The following PDE3B variants were observed in gnomAD, a reference collection of about 807,000 sequenced individuals.
PDE3B encodes the protein phosphodiesterase 3B.
Under a neutral mutation model 116.8 loss-of-function variants are expected in PDE3B, and 66 were observed. That is an observed-to-expected ratio of 0.56 (90% confidence interval 0.46 to 0.69). PDE3B has a LOEUF of 0.69. Among genes scored for constraint, PDE3B ranks in the 30% least tolerant of loss-of-function variants. The pLI is 0.00. For missense variants in PDE3B, 1,384 were observed against 1,368.1 expected, an observed-to-expected ratio of 1.01 and a Z score of -0.18; for synonymous variants, 595 against 533.6, an observed-to-expected ratio of 1.12 and a Z score of -1.59.
At chr11:14,655,507 G>A (rs943206996) in intron 1 of PDE3B, among the ~76,000 whole-genome samples, 6 of 151,868 alleles carry the variant, frequency 4.0e-5, no homozygotes, top group African/African-American at 1.2e-4. Flanking sequence ...GAGCATCTCA[G>A]TGTGCTAGGT....
intron 1 of PDE3B, among the ~76,000 whole-genome samples, chr11:14,756,802 ATT>A (rs372781887): frequency 1.7e-5 from 2 of 118,020 alleles, no homozygotes; most frequent in Admixed American, 1.0e-4. Context: ...TTAAGTGCTT[ATT>A]TTTTTTTTTT....
At position 14,644,032 on chromosome 11, in the gene PDE3B, C is replaced by T. The variant is rs1853275121; in HGVS notation, c.-44C>T. On this transcript the variant is annotated 5_prime_UTR_variant, in exon 1 of 16. In the 5' UTR this introduces an upstream ATG that the reference lacks. Coordinates refer to ENST00000282096, the MANE Select transcript of PDE3B (RefSeq NM_000922.4). ...GGGAGCGCGAGCGGCCGCTACGGTACGAGCGGGGTGTGCTGAGTCCCGTGG... is the reference window on the plus strand; with the variant it reads ...GGGAGCGCGAGCGGCCGCTACGGTATGAGCGGGGTGTGCTGAGTCCCGTGG... 2 of 1,412,392 alleles carry T rather than the reference C, an allele frequency of 1.4e-6. No individual in the cohort carries two copies. Among genetic ancestry groups the T allele is most frequent in the Admixed American group, 3.3e-5 (1 of 30,256 alleles). The allele number at this position is 1,412,392 out of a possible 1,614,324, so 87.5% of individuals were successfully genotyped here. A position where few individuals can be genotyped will look rare whatever the true frequency, so the allele number is the denominator to read the frequency against.
At chr11:14,842,611 T>TA (rs1016200375) in intron 11 of PDE3B, among the ~76,000 whole-genome samples, 1 of 152,190 alleles carries the variant, frequency 6.6e-6, no homozygotes, top group African/African-American at 2.4e-5. Context: ...TAGTGGTACA[T>TA]AACTCTAGTC....
At position 14,830,678 on chromosome 11, in the gene PDE3B, CTA is replaced by C; in HGVS notation, c.1808-12_1808-11del. The C allele has an allele frequency of 1.6e-6, 2 of 1,224,172 alleles. No homozygotes were observed. Among genetic ancestry groups the C allele is most frequent in the Non-Finnish European group, 2.2e-6 (2 of 891,750 alleles). The allele number at this position is 1,224,172 out of a possible 1,614,324, so 75.8% of individuals were successfully genotyped here. On this transcript the variant is annotated intron_variant, in intron 7 of 15. Transcript: ENST00000282096. ...GGGCACATTTTACTCCTATATATTA[CTA>C]TATATATTTTTTGAAAGGTGAAGAA...
intron 1 of PDE3B, among the ~76,000 whole-genome samples, chr11:14,747,599 A>T (rs780064685): frequency 2.6e-5 from 4 of 152,168 alleles, no homozygotes. Context: ...TTAAGCCTTT[A>T]TGTGCTGTAT....
At chr11:14,725,126 G>T (rs1856244857) in intron 1 of PDE3B, among the ~76,000 whole-genome samples, 1 of 152,096 alleles carries the variant, frequency 6.6e-6, no homozygotes, top group Non-Finnish European at 1.5e-5. Context: ...CTTCTTTTTA[G>T]CCATGCTACT....
chr11:14,894,999 T>C, the PDE3B span, among the ~76,000 whole-genome samples: 8 of 152,154 alleles, frequency 5.3e-5, no homozygotes, highest in Non-Finnish European at 1.2e-4. Flanking sequence ...TGCAGAACAG[T>C]AATGGTTCTA....
intron 1 of PDE3B, among the ~76,000 whole-genome samples, chr11:14,667,958 C>A (rs1854230791): frequency 6.6e-6 from 1 of 151,382 alleles, no homozygotes. Flanking sequence ...ACTGACTTTG[C>A]TGAAGTATTT....
intron 7 of PDE3B, among the ~76,000 whole-genome samples, chr11:14,825,170 C>T (rs1859648562): frequency 6.6e-6 from 1 of 152,068 alleles, no homozygotes; most frequent in African/African-American, 2.4e-5. Context: ...GAACCATTAC[C>T]AGGCAATACA....
intron 1 of PDE3B, among the ~76,000 whole-genome samples, chr11:14,750,246 A>C (rs904163945): frequency 7.9e-5 from 12 of 152,098 alleles, no homozygotes; most frequent in Non-Finnish European, 1.6e-4. Context: ...GAATAGAATA[A>C]TGTTTGGCCA....
intron 4 of PDE3B, among the ~76,000 whole-genome samples, chr11:14,802,941 T>G (rs1323702526): frequency 3.3e-5 from 5 of 152,226 alleles, no homozygotes. Context: ...TTTGTTTTCT[T>G]TTTCCAATTT....
chr11:14,673,821 A>T, intron 1 of PDE3B: 1 of 991,322 alleles, frequency 1.0e-6, no homozygotes, highest in Non-Finnish European at 1.6e-6. Context: ...ATCTGCAAGA[A>T]TTTCGGCATA....
intron 11 of PDE3B, 77 bp from the exon 12 acceptor site, chr11:14,843,750 G>T: frequency 9.3e-7 from 1 of 1,069,666 alleles, no homozygotes; most frequent in Non-Finnish European, 1.4e-6. Flanking sequence ...TATTACCTAT[G>T]AGAATCCCCT....
rs1853340461 is a variant in PDE3B, at chr11:14,644,870, C to T, written c.795C>T (p.His265=). ...AGCLLALGLD[H]FFQIREAPLH... is the part of the protein sequence containing the mutation. ...GCCTGCTGGCCCTGGGGTTGGATCACTTCTTTCAAATCAGGGAAGCGCCTC... is the reference window on the plus strand; with the variant it reads ...GCCTGCTGGCCCTGGGGTTGGATCATTTCTTTCAAATCAGGGAAGCGCCTC... Residue 265 remains histidine, a synonymous_variant, in exon 1 of 16, where the codon CAC becomes CAT. Transcript: ENST00000282096. 6.2e-6 allele frequency: 10 copies of T among 1,613,850 alleles called. No homozygotes were observed. Among genetic ancestry groups the T allele is most frequent in the Non-Finnish European group, 8.5e-6 (10 of 1,179,962 alleles).
At chr11:14,749,919 T>TATATATATATATATACATATATATATA (rs1391477381) in intron 1 of PDE3B, among the ~76,000 whole-genome samples, 1 of 138,768 alleles carries the variant, frequency 7.2e-6, no homozygotes, top group Non-Finnish European at 1.5e-5. Flanking sequence ...TATATGTATC[T>TATATATATATATATACATATATATATA]TTGTGGAAGC....
chr11:14,794,899 A>G (rs754930578), intron 4 of PDE3B, among the ~76,000 whole-genome samples: 3 of 152,176 alleles, frequency 2.0e-5, no homozygotes, highest in Admixed American at 2.0e-4. Flanking sequence ...GAGGAGATAC[A>G]AAGGACAGGT....
In PDE3B at chr11:14,841,373, T is replaced by C. The variant is rs113916112; in HGVS notation, c.2321-2454T>C. 3.5e-3 allele frequency among the ~76,000 whole-genome samples: 523 copies of C among 147,704 alleles called. 2 individuals are homozygous for C. Among genetic ancestry groups the C allele is most frequent in the African/African-American group, 0.012 (499 of 40,690 alleles). On this transcript the variant is annotated intron_variant, in intron 11 of 15. Transcript: ENST00000282096. Reference sequence around the variant, plus strand: ...TATATATATATATAAAATATATATATGAATTATATATATTCATATATATAT... The same window carrying C: ...TATATATATATATAAAATATATATACGAATTATATATATTCATATATATAT...
At chr11:14,755,414 T>A (rs1857158414) in intron 1 of PDE3B, among the ~76,000 whole-genome samples, 1 of 152,210 alleles carries the variant, frequency 6.6e-6, no homozygotes, top group Non-Finnish European at 1.5e-5. Context: ...AATGACCTGC[T>A]AAAAGTCAGG....
chr11:14,711,620 A>G (rs566181851), intron 1 of PDE3B, among the ~76,000 whole-genome samples: 3 of 152,190 alleles, frequency 2.0e-5, no homozygotes, highest in African/African-American at 7.2e-5. Context: ...ATATCTCAAG[A>G]GAACTCACTC....
Sources: allele counts gnomAD v4.1 joint callset (sites outside exome capture counted in the v4.1 genomes callset), GRCh38; gene constraint gnomAD v4.1.1; transcripts MANE v1.5; gene names NCBI Gene and HGNC (gene_info 2026-07-23, HGNC 2026-07-21).